The following TMEM117 variants were observed in gnomAD, a reference collection of about 807,000 sequenced individuals.
TMEM117 encodes the protein transmembrane protein 117.
In TMEM117, 27 loss-of-function variants were observed where a neutral mutation model predicts 52.4. That is an observed-to-expected ratio of 0.51 (90% CI 0.38 to 0.71). TMEM117 has a LOEUF of 0.71. TMEM117 is among the 30% of genes least tolerant of loss of function. The probability of loss-of-function intolerance (pLI) is 0.00; values close to 1 mark genes in which losing one functional copy is unlikely to be tolerated. For missense variants in TMEM117, 556 were observed against 630.5 expected (o/e 0.88, Z 1.26); for synonymous variants, 215 against 206.3 (o/e 1.04, Z -0.36).
chr12:43,847,458 AG>A (rs1353159853), intron 2 of TMEM117, among the ~76,000 whole-genome samples: 2 of 152,156 alleles, frequency 1.3e-5, no homozygotes, highest in African/African-American at 4.8e-5. Flanking sequence ...ATAAAGATGG[AG>A]GGGCTTGATG....
intron 3 of TMEM117, among the ~76,000 whole-genome samples, chr12:44,050,465 C>T (rs1946953183): frequency 6.6e-6 from 1 of 152,212 alleles, no homozygotes; most frequent in Admixed American, 6.5e-5. Flanking sequence ...ACATGAGACA[C>T]TGTACCCGGC....
chr12:44,101,311 C>T (rs2138075158), intron 3 of TMEM117, among the ~76,000 whole-genome samples: 1 of 152,074 alleles, frequency 6.6e-6, no homozygotes, highest in Non-Finnish European at 1.5e-5. Context: ...GTGACACAAA[C>T]ATTGAGACCA....
chr12:43,908,118 G>T (rs1944425463), intron 2 of TMEM117, among the ~76,000 whole-genome samples: 1 of 62,052 alleles, frequency 1.6e-5, no homozygotes. Flanking sequence ...TACCCTCAAA[G>T]GGAAGCCCAT....
At chr12:44,149,168 G>C (rs1948686871) in intron 4 of TMEM117, among the ~76,000 whole-genome samples, 1 of 152,194 alleles carries the variant, frequency 6.6e-6, no homozygotes. Context: ...GATCCTGCCA[G>C]TGCATTCTTC....
chr12:44,115,661 C>G (rs988570163), intron 3 of TMEM117, among the ~76,000 whole-genome samples: 1 of 152,036 alleles, frequency 6.6e-6, no homozygotes, highest in Non-Finnish European at 1.5e-5. Flanking sequence ...CTACAATTTT[C>G]AAGCCTGTCT....
At chr12:44,152,819 TATAATG>T (rs1948771434) in intron 4 of TMEM117, among the ~76,000 whole-genome samples, 1 of 143,168 alleles carries the variant, frequency 7.0e-6, no homozygotes, top group Non-Finnish European at 1.5e-5. Flanking sequence ...TTTATATGAA[TATAATG>T]TATATATTGT....
the TMEM117 span, among the ~76,000 whole-genome samples, chr12:43,825,596 T>C: frequency 6.6e-6 from 1 of 152,264 alleles, no homozygotes; most frequent in East Asian, 1.9e-4. Context: ...AAGAACGTGA[T>C]TGTATTTATT....
At chr12:44,158,344 C>A (rs1409975047) in intron 4 of TMEM117, among the ~76,000 whole-genome samples, 3 of 152,210 alleles carry the variant, frequency 2.0e-5, no homozygotes, top group East Asian at 1.9e-4. Context: ...GATTTTAATT[C>A]GAAAGTTTTG....
chr12:43,898,961 G>C (rs1232179550), intron 2 of TMEM117, among the ~76,000 whole-genome samples: 2 of 152,180 alleles, frequency 1.3e-5, no homozygotes, highest in Non-Finnish European at 2.9e-5. Flanking sequence ...TTCTAGCTGG[G>C]ATGGAGCAGC....
At chr12:43,932,572 T>C (rs2137583786) in intron 2 of TMEM117, among the ~76,000 whole-genome samples, 1 of 152,342 alleles carries the variant, frequency 6.6e-6, no homozygotes, top group South Asian at 2.1e-4. Context: ...AGTCCTGGAC[T>C]CTGCCTTCAA....
intron 5 of TMEM117, among the ~76,000 whole-genome samples, chr12:44,268,619 A>G (rs1021615782): frequency 1.3e-5 from 2 of 152,124 alleles, no homozygotes; most frequent in African/African-American, 4.8e-5. Flanking sequence ...TTTGTTACAT[A>G]TATGTATACT....
chr12:43,865,036 G>A (rs1166826788), intron 2 of TMEM117, among the ~76,000 whole-genome samples: 2 of 152,006 alleles, frequency 1.3e-5, no homozygotes, highest in Non-Finnish European at 1.5e-5. Flanking sequence ...GAGGCAGCGA[G>A]ACTACGAACC....
chr12:43,883,066 A>G (rs368743001), intron 2 of TMEM117, among the ~76,000 whole-genome samples: 25 of 152,284 alleles, frequency 1.6e-4, no homozygotes, highest in East Asian at 1.5e-3. Flanking sequence ...AAAGTTTCCA[A>G]TGGTGGTTTT....
At chr12:43,930,289 G>C (rs933134689) in intron 2 of TMEM117, among the ~76,000 whole-genome samples, 1 of 152,134 alleles carries the variant, frequency 6.6e-6, no homozygotes, top group African/African-American at 2.4e-5. Context: ...ACATAGTTTA[G>C]TAGGTGTCAG....
chr12:44,354,441 C>G (rs1436203172), intron 6 of TMEM117, among the ~76,000 whole-genome samples: 1 of 152,060 alleles, frequency 6.6e-6, no homozygotes, highest in Non-Finnish European at 1.5e-5. Flanking sequence ...CAAACCAAAT[C>G]CAGCAGCACA....
chr12:44,009,957 G>A (rs188408020), intron 3 of TMEM117: 14 of 288,304 alleles, frequency 4.9e-5, no homozygotes, highest in Admixed American at 8.2e-5. Flanking sequence ...AGCCTCTGGC[G>A]TTCCAGTTGC....
At chr12:43,800,514 A>G in the TMEM117 span, 5 of 1,613,634 alleles carry the variant, frequency 3.1e-6, no homozygotes, top group Non-Finnish European at 4.2e-6. Flanking sequence ...TGCTGCATAC[A>G]ACATTTTTTG....
At chr12:43,843,202 TA>T (rs1264686411) in intron 1 of TMEM117, among the ~76,000 whole-genome samples, 11 of 152,212 alleles carry the variant, frequency 7.2e-5, no homozygotes, top group African/African-American at 2.7e-4. Context: ...TTCTGAATTC[TA>T]ACTAAACTGG....
chr12:44,114,214 G>T (rs928710318), intron 3 of TMEM117, among the ~76,000 whole-genome samples: 21 of 151,882 alleles, frequency 1.4e-4, no homozygotes, highest in African/African-American at 5.1e-4. Flanking sequence ...GTTCCTATTC[G>T]GCCATCTTGG....
Sources: allele counts gnomAD v4.1 joint callset (sites outside exome capture counted in the v4.1 genomes callset), GRCh38; gene constraint gnomAD v4.1.1; transcripts MANE v1.5; gene names NCBI Gene and HGNC (gene_info 2026-07-23, HGNC 2026-07-21).